Variants in LINGO1 observed in about 807,000 individuals in gnomAD.
LINGO1 encodes leucine rich repeat and Ig domain containing 1.
In LINGO1, 11 loss-of-function variants were observed where a neutral mutation model predicts 37.3. That is an observed-to-expected ratio of 0.29 (90% confidence interval 0.19 to 0.49). The LOEUF (loss-of-function observed/expected upper bound fraction) is 0.49. LINGO1 is among the 20% of genes least tolerant of loss of function. The pLI, the probability that LINGO1 is intolerant of heterozygous loss-of-function variation, is 0.99. For missense variants in LINGO1, 585 were observed against 878.2 expected (o/e 0.67, Z 4.22); for synonymous variants, 387 against 403.0 (o/e 0.96, Z 0.48).
At chr15:77,671,019 G>C (rs1396035499) in intron 3 of LINGO1, among the ~76,000 whole-genome samples, 1 of 152,174 alleles carries the variant, frequency 6.6e-6, no homozygotes, top group Non-Finnish European at 1.5e-5. Flanking sequence ...AGGCTTCCCA[G>C]GCACCAGGCA....
chr15:77,746,080 C>T (rs2076311602), intron 1 of LINGO1, among the ~76,000 whole-genome samples: 1 of 151,814 alleles, frequency 6.6e-6, no homozygotes, highest in South Asian at 2.1e-4. Context: ...TGGTGGCATG[C>T]ACCTGTGGTC....
chr15:77,770,200 T>C (rs1472494416), intron 1 of LINGO1, among the ~76,000 whole-genome samples: 2 of 152,096 alleles, frequency 1.3e-5, no homozygotes, highest in Non-Finnish European at 2.9e-5. Context: ...GGAGAGACCA[T>C]ACTAAGTACT....
At chr15:77,756,385 T>C (rs964154420) in intron 1 of LINGO1, among the ~76,000 whole-genome samples, 2 of 152,134 alleles carry the variant, frequency 1.3e-5, no homozygotes, top group African/African-American at 2.4e-5. Flanking sequence ...CAATCAAGCA[T>C]GCATTCTCAG....
rs377075770 is a variant in LINGO1, at chr15:77,615,688, C to T, written c.219G>A (p.Thr73=). The change falls in exon 2 of 2, where the codon ACG becomes ACA. Residue 73 remains threonine (T), a synonymous_variant. Coordinates refer to ENST00000355300, the MANE Select transcript of LINGO1 (RefSeq NM_032808.7). ...VAVPEGIPTE[T]RLLDLGKNRI... Reference sequence around the variant, plus strand: ...GGTTCTTGCCTAGGTCCAGCAGGCGCGTCTCGGTGGGGATGCCCTCGGGGA... The same window carrying T: ...GGTTCTTGCCTAGGTCCAGCAGGCGTGTCTCGGTGGGGATGCCCTCGGGGA... 17 of 1,604,644 alleles carry T rather than the reference C, an allele frequency of 1.1e-5. No individual in the cohort carries two copies. The African/African-American group carries it at 1.5e-4, about 14-fold the overall frequency.
chr15:77,681,810 G>A (rs987781703), intron 2 of LINGO1, among the ~76,000 whole-genome samples: 2 of 152,118 alleles, frequency 1.3e-5, no homozygotes, highest in African/African-American at 4.8e-5. Context: ...AGACACCCAG[G>A]TGAGGGGTGA....
chr15:77,623,699 C>T (rs1371069723), intron 1 of LINGO1, among the ~76,000 whole-genome samples: 1 of 152,134 alleles, frequency 6.6e-6, no homozygotes, highest in African/African-American at 2.4e-5. Flanking sequence ...TCCCCTCCTC[C>T]TCCTCAGACC....
At chr15:77,678,975 A>C (rs1160145504) in intron 2 of LINGO1, among the ~76,000 whole-genome samples, 2 of 152,066 alleles carry the variant, frequency 1.3e-5, no homozygotes, top group Non-Finnish European at 2.9e-5. Context: ...ATCTCAGCTC[A>C]ATGCAACTTC....
intron 3 of LINGO1, among the ~76,000 whole-genome samples, chr15:77,671,194 G>A (rs1429270330): frequency 6.6e-6 from 1 of 151,702 alleles, no homozygotes. Flanking sequence ...ACCTGGGCCA[G>A]CCTTGAGCTA....
intron 2 of LINGO1, among the ~76,000 whole-genome samples, chr15:77,794,902 C>T (rs911500964): frequency 3.3e-5 from 5 of 152,068 alleles, no homozygotes; most frequent in African/African-American, 1.2e-4. Flanking sequence ...AGGCCTAGTG[C>T]CTGGGAAGGA....
intron 3 of LINGO1, among the ~76,000 whole-genome samples, chr15:77,669,052 C>T (rs775050591): frequency 1.3e-5 from 2 of 152,242 alleles, no homozygotes; most frequent in Non-Finnish European, 2.9e-5. Flanking sequence ...CCTTCTTCGC[C>T]GCTGTGCATG....
intron 2 of LINGO1, among the ~76,000 whole-genome samples, chr15:77,719,539 G>A (rs1205294422): frequency 1.3e-5 from 2 of 149,494 alleles, no homozygotes; most frequent in Non-Finnish European, 3.0e-5. Context: ...CAGCCACCAC[G>A]CAGCACTCGG....
chr15:77,613,619 C>G lies in LINGO1; in HGVS notation c.*425G>C, dbSNP rs2073580834. ...ACAAGAAACTGAGTTGGAAGAGGGC[C>G]CTGGAGCAATCAGGACGTCAAAAGT... On this transcript the variant is annotated 3_prime_UTR_variant, in exon 2 of 2. Transcript: ENST00000355300. The G allele has an allele frequency of 1.1e-5, 2 of 175,242 alleles. No homozygotes were observed. The highest frequency in any genetic ancestry group is 1.1e-4 in the Admixed American group (2 of 18,508). 10.9% of individuals were successfully genotyped at this position (175,242 alleles called of 1,614,324 possible). A position where few individuals can be genotyped will look rare whatever the true frequency, so the allele number is the denominator to read the frequency against.
upstream of LINGO1, among the ~76,000 whole-genome samples, chr15:77,791,193 G>A (rs374844486): frequency 1.3e-5 from 2 of 152,172 alleles, no homozygotes; most frequent in Admixed American, 1.3e-4. Flanking sequence ...TTTGACAACA[G>A]TACTTGAGGG....
intron 3 of LINGO1, among the ~76,000 whole-genome samples, chr15:77,647,554 C>T (rs2074661372): frequency 6.6e-6 from 1 of 152,098 alleles, no homozygotes; most frequent in African/African-American, 2.4e-5. Context: ...GTGGAGTCTG[C>T]ACAATTACAG....
intron 2 of LINGO1, among the ~76,000 whole-genome samples, chr15:77,688,381 C>T (rs982457586): frequency 1.3e-5 from 2 of 152,232 alleles, no homozygotes; most frequent in African/African-American, 2.4e-5. Context: ...CTTGAATACC[C>T]GTTAAGTAAA....
At chr15:77,684,518 G>C (rs1008647357) in intron 2 of LINGO1, among the ~76,000 whole-genome samples, 19 of 152,192 alleles carry the variant, frequency 1.2e-4, no homozygotes, top group African/African-American at 4.6e-4. Context: ...GCTGGGATTT[G>C]CCTTCCCCTG....
At chr15:77,719,394 C>G (rs1424642010) in intron 2 of LINGO1, among the ~76,000 whole-genome samples, 1 of 149,846 alleles carries the variant, frequency 6.7e-6, no homozygotes, top group Non-Finnish European at 1.5e-5. Context: ...GAGTGCCCCT[C>G]CTCCATGTAA....
At chr15:77,801,085 C>T (rs1200732393) in intron 1 of LINGO1, among the ~76,000 whole-genome samples, 2 of 152,132 alleles carry the variant, frequency 1.3e-5, no homozygotes, top group African/African-American at 4.8e-5. Context: ...ATTGGCTCAA[C>T]CTTTGGAAGG....
intron 2 of LINGO1, among the ~76,000 whole-genome samples, chr15:77,725,760 T>C (rs890191427): frequency 6.6e-5 from 10 of 152,188 alleles, no homozygotes; most frequent in African/African-American, 2.4e-4. Flanking sequence ...AAAGCCAGGA[T>C]GTGAGCCTGG....
Sources: gnomAD v4.1 joint callset for allele counts (sites outside exome capture counted in the v4.1 genomes callset) on GRCh38, gnomAD v4.1.1 for gene constraint, MANE v1.5 for transcripts, NCBI Gene and HGNC (gene_info 2026-07-23, HGNC 2026-07-21) for gene names.